The following CGNL1 variants were observed in gnomAD, a reference collection of about 807,000 sequenced individuals.
CGNL1 encodes cingulin like 1, also known as cingulin-like protein 1.
Under a neutral mutation model 141.2 loss-of-function variants are expected in CGNL1, and 132 were observed. The ratio of observed to expected loss-of-function variants is 0.93; its 90% CI spans 0.81 to 1.08. CGNL1 has a LOEUF of 1.08. Among genes scored for constraint, CGNL1 ranks in the 50% least tolerant of loss-of-function variants. The pLI is 0.00. For synonymous variants in CGNL1, 690 were observed against 622.1 expected (o/e 1.11, Z -1.63); for missense variants, 1,870 against 1,588.6 (o/e 1.18, Z -3.01).
intron 1 of CGNL1, among the ~76,000 whole-genome samples, chr15:57,411,125 G>T (rs1006678398): frequency 6.6e-6 from 1 of 152,186 alleles, no homozygotes; most frequent in Non-Finnish European, 1.5e-5. Flanking sequence ...TATGACTAAA[G>T]AGTGTCATAT....
chr15:57,480,323 G>A (rs1046290652), intron 8 of CGNL1, among the ~76,000 whole-genome samples: 2 of 133,168 alleles, frequency 1.5e-5, no homozygotes, highest in African/African-American at 3.4e-5. Flanking sequence ...TTTGAGACCC[G>A]CCTGGCCAAC....
Position 57,460,972 on chromosome 15 carries a change from A to G in CGNL1, c.2191-708A>G, listed in dbSNP as rs149784825. 3.5e-3 allele frequency among the ~76,000 whole-genome samples: 526 copies of G among 152,172 alleles called. 3 individuals are homozygous for G. Among genetic ancestry groups the G allele is most frequent in the African/African-American group, 0.012 (506 of 41,514 alleles). On this transcript the variant is annotated intron_variant, in intron 7 of 18. Coordinates refer to ENST00000281282, the MANE Select transcript of CGNL1 (RefSeq NM_032866.5). The stretch of plus-strand genomic sequence containing the variant: ...ATGCCCACATCTCTCTGGCTGAGGG[A>G]AGAGCAAAGGTGTCTGTGAGGGCGA...
chr15:57,473,634 C>T (rs975097669), intron 8 of CGNL1, among the ~76,000 whole-genome samples: 5 of 152,140 alleles, frequency 3.3e-5, no homozygotes, highest in South Asian at 2.1e-4. Flanking sequence ...TTCCTCCTTG[C>T]TTTCTCATGG....
At chr15:57,404,472 A>T (rs2062693785) in intron 1 of CGNL1, among the ~76,000 whole-genome samples, 1 of 152,242 alleles carries the variant, frequency 6.6e-6, no homozygotes, top group Admixed American at 6.5e-5. Flanking sequence ...TGGTGATGAC[A>T]TGTTGAAGGT....
chr15:57,535,960 G>C (rs189307289), intron 14 of CGNL1, among the ~76,000 whole-genome samples: 40 of 152,296 alleles, frequency 2.6e-4, no homozygotes, highest in Admixed American at 2.0e-3. Context: ...TTGTTTATAA[G>C]TTCCCAGCCT....
intron 8 of CGNL1, among the ~76,000 whole-genome samples, chr15:57,488,497 A>G (rs1335918398): frequency 2.0e-5 from 3 of 152,200 alleles, no homozygotes; most frequent in Non-Finnish European, 2.9e-5. Context: ...CTTCTTCTGC[A>G]GTCGAGTGAG....
intron 1 of CGNL1, among the ~76,000 whole-genome samples, chr15:57,394,316 G>A (rs1194548064): frequency 1.3e-5 from 2 of 151,806 alleles, no homozygotes; most frequent in East Asian, 1.9e-4. Flanking sequence ...GTAGAGATGG[G>A]GTTTCTCCAT....
At chr15:57,546,318 C>T (rs1417122261) in intron 18 of CGNL1, 79 bp downstream of exon 18, 3 of 1,425,562 alleles carry the variant, frequency 2.1e-6, no homozygotes, top group East Asian at 2.5e-5. Flanking sequence ...AGCATTCACA[C>T]TCCTGTTGTC....
intron 13 of CGNL1, among the ~76,000 whole-genome samples, chr15:57,529,559 A>AACACACACACACACACACACACACAC (rs10593466): frequency 1.5e-5 from 2 of 137,924 alleles, no homozygotes; most frequent in East Asian, 2.1e-4. Context: ...AACCCCCAGA[A>AACACACACACACACACACACACACAC]ACACACACAC....
chr15:57,394,912 G>A (rs1328558327), intron 1 of CGNL1, among the ~76,000 whole-genome samples: 5 of 152,242 alleles, frequency 3.3e-5, no homozygotes, highest in Admixed American at 3.3e-4. Context: ...AGGAGTTCGA[G>A]ACCAGCCTGG....
intron 11 of CGNL1, among the ~76,000 whole-genome samples, chr15:57,524,215 T>A (rs56852728): frequency 0.015 from 2,327 of 152,362 alleles, 68 homozygotes; most frequent in African/African-American, 0.053. Flanking sequence ...TTTATCTGTA[T>A]CTGTGGATAC....
intron 1 of CGNL1, among the ~76,000 whole-genome samples, chr15:57,419,044 G>C (rs1773687248): frequency 6.6e-6 from 1 of 151,904 alleles, no homozygotes; most frequent in Middle Eastern, 3.4e-3. Flanking sequence ...TCTCCTTCCT[G>C]CCTCAGCCTC....
chr15:57,493,125 CTTT>C, intron 8 of CGNL1, among the ~76,000 whole-genome samples: 1 of 152,192 alleles, frequency 6.6e-6, no homozygotes, highest in Middle Eastern at 3.4e-3. Flanking sequence ...AATATTAGTA[CTTT>C]AGATAGTGAG....
chr15:57,382,541 T>C (rs2062435849), intron 1 of CGNL1, among the ~76,000 whole-genome samples: 1 of 152,244 alleles, frequency 6.6e-6, no homozygotes, highest in East Asian at 1.9e-4. Context: ...GTTAGGTCTG[T>C]AAAGCTCCTC....
chr15:57,439,277 G>C lies in CGNL1; in HGVS notation c.1278G>C (p.Pro426=). 6.2e-7 allele frequency: 1 copy of C among 1,614,046 alleles called. No homozygotes were observed. The highest frequency in any genetic ancestry group is 8.5e-7 in the Non-Finnish European group (1 of 1,180,036). ...EHLLRPSQVC[P]QRPLSQERRG... Reference sequence around the variant, plus strand: ...TCCTCCGGCCTTCCCAGGTGTGCCCGCAGCGGCCACTGTCTCAGGAGCGCC... The same window carrying C: ...TCCTCCGGCCTTCCCAGGTGTGCCCCCAGCGGCCACTGTCTCAGGAGCGCC... Residue 426 remains proline (P), a synonymous_variant, in exon 2 of 19, where the codon CCG becomes CCC. Transcript: ENST00000281282.
intron 1 of CGNL1, among the ~76,000 whole-genome samples, chr15:57,414,557 G>T (rs2062827581): frequency 6.6e-6 from 1 of 152,110 alleles, no homozygotes; most frequent in Non-Finnish European, 1.5e-5. Flanking sequence ...TAACTGCCCT[G>T]CCCTGTTGAA....
chr15:57,526,417 G>T (rs1158039799), intron 12 of CGNL1, among the ~76,000 whole-genome samples: 1 of 151,826 alleles, frequency 6.6e-6, no homozygotes, highest in Non-Finnish European at 1.5e-5. Context: ...AAAAAACTCA[G>T]GCTCAACTCT....
intron 1 of CGNL1, among the ~76,000 whole-genome samples, chr15:57,394,655 A>G (rs1456796654): frequency 6.6e-6 from 1 of 152,198 alleles, no homozygotes; most frequent in Non-Finnish European, 1.5e-5. Flanking sequence ...GTTACAAATG[A>G]CCTATTGTAA....
At chr15:57,520,758 T>G (rs186302343) in intron 10 of CGNL1, among the ~76,000 whole-genome samples, 1 of 152,278 alleles carries the variant, frequency 6.6e-6, no homozygotes, top group East Asian at 1.9e-4. Context: ...TTTTGAGTAT[T>G]GAGACAACCA....
Sources: gnomAD v4.1 joint callset for allele counts (sites outside exome capture counted in the v4.1 genomes callset) on GRCh38, gnomAD v4.1.1 for gene constraint, MANE v1.5 for transcripts, NCBI Gene and HGNC (gene_info 2026-07-23, HGNC 2026-07-21) for gene names.